CIROZ: variants seen among roughly 807,000 people sequenced by gnomAD.
The protein encoded by CIROZ is ciliated left-right organizer ZP-N domains-containing protein.
At chr1:10,965,294 A>G in the CIROZ span, among the ~76,000 whole-genome samples, 4 of 151,852 alleles carry the variant, frequency 2.6e-5, no homozygotes, top group South Asian at 8.3e-4. Context: ...CTCAGGAAAA[A>G]CTCTGGACTG....
the CIROZ span, among the ~76,000 whole-genome samples, chr1:10,952,897 A>G: frequency 6.6e-6 from 1 of 152,200 alleles, no homozygotes; most frequent in Non-Finnish European, 1.5e-5. Flanking sequence ...ATTCCCACCT[A>G]AGCCTTGCAT....
the CIROZ span, among the ~76,000 whole-genome samples, chr1:10,956,632 C>T: frequency 3.9e-5 from 6 of 152,174 alleles, no homozygotes; most frequent in South Asian, 2.1e-4. Context: ...CCCGCCACCA[C>T]GCCCGGCTAA....
the CIROZ span, chr1:10,957,164 G>A: frequency 7.1e-7 from 1 of 1,413,084 alleles, no homozygotes; most frequent in Non-Finnish European, 9.6e-7. Flanking sequence ...TCCAGATGCA[G>A]ACTCCCTCCA....
At chr1:10,948,568 G>C in the CIROZ span, 2 of 1,614,186 alleles carry the variant, frequency 1.2e-6, no homozygotes, top group Middle Eastern at 3.3e-4. Context: ...TCAGGCCTCG[G>C]GGCTGGCGGT....
the CIROZ span, chr1:10,966,413 G>T: frequency 1.3e-6 from 2 of 1,536,774 alleles, no homozygotes; most frequent in Non-Finnish European, 1.7e-6. Flanking sequence ...GTCACCGTCT[G>T]AAGCCAGATG....
the CIROZ span, chr1:10,953,939 G>A: frequency 4.0e-6 from 6 of 1,492,568 alleles, no homozygotes; most frequent in Non-Finnish European, 5.4e-6. Context: ...ACAGAAGAAA[G>A]AACCCCAGGG....
At chr1:10,947,883 T>A in the CIROZ span, 1 of 1,612,536 alleles carries the variant, frequency 6.2e-7, no homozygotes, top group Non-Finnish European at 8.5e-7. Flanking sequence ...GCTGGACGTG[T>A]GTGCAACCCC....
At chr1:10,964,685 C>T in the CIROZ span, among the ~76,000 whole-genome samples, 1 of 152,192 alleles carries the variant, frequency 6.6e-6, no homozygotes, top group South Asian at 2.1e-4. Context: ...GGCTGGAGTG[C>T]AATGGCCTGA....
the CIROZ span, chr1:10,949,648 G>A: frequency 6.2e-7 from 1 of 1,606,290 alleles, no homozygotes; most frequent in Non-Finnish European, 8.5e-7. Context: ...CGGAAGGCCG[G>A]TGCAGGAGGT....
chr1:10,980,814 G>T, the CIROZ span, among the ~76,000 whole-genome samples: 1 of 152,180 alleles, frequency 6.6e-6, no homozygotes, highest in African/African-American at 2.4e-5. Flanking sequence ...ATCCCAGTCT[G>T]GGGGGAGACA....
chr1:10,977,547 T>G, the CIROZ span, among the ~76,000 whole-genome samples: 1 of 152,150 alleles, frequency 6.6e-6, no homozygotes, highest in Non-Finnish European at 1.5e-5. Flanking sequence ...TCATTATTAG[T>G]GAGGGAACCA....
chr1:10,966,236 C>A, the CIROZ span: 1 of 1,274,358 alleles, frequency 7.8e-7, no homozygotes, highest in South Asian at 1.8e-5. Flanking sequence ...CTTCTGGTCT[C>A]CCTCAGCTCA....
chr1:10,953,976 G>A, the CIROZ span: 2 of 1,583,326 alleles, frequency 1.3e-6, no homozygotes, highest in East Asian at 2.3e-5. Flanking sequence ...TGTGTGGTGT[G>A]TGCCTGTTAC....
chr1:10,949,873 C>T, the CIROZ span: 3 of 1,434,448 alleles, frequency 2.1e-6, no homozygotes, highest in Non-Finnish European at 2.8e-6. Context: ...CCTCCCAACA[C>T]CCTGCTGAAG....
the CIROZ span, among the ~76,000 whole-genome samples, chr1:10,954,669 T>C: frequency 6.6e-6 from 1 of 152,176 alleles, no homozygotes; most frequent in African/African-American, 2.4e-5. Flanking sequence ...AGACAGGGTC[T>C]CACTCCCATT....
the CIROZ span, chr1:10,982,044 G>A: frequency 2.0e-6 from 3 of 1,537,196 alleles, no homozygotes; most frequent in South Asian, 2.4e-5. Context: ...ACATCCTCAG[G>A]CCCAGCAGCT....
chr1:10,970,665 G>A, the CIROZ span, among the ~76,000 whole-genome samples: 9 of 152,064 alleles, frequency 5.9e-5, no homozygotes, highest in Admixed American at 4.6e-4. Context: ...AGTAACCTGA[G>A]CACTTGTTAA....
At chr1:10,966,337 A>AT in the CIROZ span, 1 of 1,497,788 alleles carries the variant, frequency 6.7e-7, no homozygotes, top group Non-Finnish European at 8.8e-7. Flanking sequence ...AAAAAAAAAA[A>AT]GAAAAGTTTC....
chr1:10,976,380 G>A, the CIROZ span: 1 of 681,502 alleles, frequency 1.5e-6, no homozygotes, highest in Non-Finnish European at 2.4e-6. Flanking sequence ...CCGTCACCCT[G>A]GCTGGAGTGC....
Sources: allele counts gnomAD v4.1 joint callset (sites outside exome capture counted in the v4.1 genomes callset), GRCh38; gene constraint gnomAD v4.1.1; transcripts MANE v1.5; gene names NCBI Gene and HGNC (gene_info 2026-07-23, HGNC 2026-07-21).